The following SNX13 variants were observed in gnomAD, a reference collection of about 807,000 sequenced individuals.
The protein encoded by SNX13 is sorting nexin 13, also known as sorting nexin-13.
In SNX13, 45 loss-of-function variants were observed where a neutral mutation model predicts 133.6. The ratio of observed to expected loss-of-function variants is 0.34; its 90% CI spans 0.27 to 0.43. The LOEUF (loss-of-function observed/expected upper bound fraction) is 0.43. Ranked by LOEUF, SNX13 falls within the 20% of genes least tolerant of loss-of-function variation. The probability of loss-of-function intolerance (pLI) is 1.00; values close to 1 mark genes in which losing one functional copy is unlikely to be tolerated. For synonymous variants in SNX13, 414 were observed against 373.9 expected (o/e 1.11, Z -1.24); for missense variants, 1,032 against 1,145.1 (o/e 0.90, Z 1.43).
intron 5 of SNX13, chr7:17,880,519 C>T (rs148306320): frequency 7.9e-5 from 12 of 152,324 alleles, no homozygotes; most frequent in African/African-American, 2.4e-4. Flanking sequence ...TCAGGTCACA[C>T]TACAGACTAA....
At chr7:17,927,880 C>T (rs1800935536) in intron 1 of SNX13, among the ~76,000 whole-genome samples, 1 of 152,176 alleles carries the variant, frequency 6.6e-6, no homozygotes, top group South Asian at 2.1e-4. Context: ...TTTCCACTCA[C>T]AAAGTGTTCC....
intron 5 of SNX13, among the ~76,000 whole-genome samples, chr7:17,877,822 A>G (rs535572033): frequency 6.6e-6 from 1 of 152,002 alleles, no homozygotes; most frequent in African/African-American, 2.4e-5. Context: ...AACAGTACCG[A>G]TATCTTATCT....
chr7:17,821,161 A>C (rs1787237027), intron 18 of SNX13, among the ~76,000 whole-genome samples: 1 of 152,168 alleles, frequency 6.6e-6, no homozygotes, highest in African/African-American at 2.4e-5. Context: ...CAAAAGCACA[A>C]AATGTCCTAC....
chr7:17,799,081 T>C lies in SNX13; in HGVS notation c.2372A>G (p.Gln791Arg). 1 of 1,611,116 alleles carries C rather than the reference T, an allele frequency of 6.2e-7. No individual in the cohort carries two copies. The highest frequency in any genetic ancestry group is 2.2e-5 in the East Asian group (1 of 44,762). The change falls in exon 23 of 26, where the codon CAG (glutamine) becomes CGG (arginine). Residue 791 changes from glutamine to arginine, a missense_variant. Physicochemically the swap from Gln to Arg is conservative, Grantham distance 43. Transcript: ENST00000428135. ...DEVFDLKERNQWLRRNIKNLL... is the reference protein window; with the variant it reads ...DEVFDLKERNRWLRRNIKNLL... ...GTTTTTGATATTCCTTCGCAACCAC[T>C]GATTTCTTTCTTTTAAGTCGAATAC...
chr7:17,816,244 A>C lies in SNX13; in HGVS notation c.1891T>G (p.Phe631Val). The stretch of plus-strand genomic sequence containing the variant: ...AAAAAATCTCTATCCATATTATTAA[A>C]AGTCTTTTTTCCAGGAAGTTTCAAT... ...SILKLPGKKT[F>V]NNMDRDFLEK... The change falls in exon 19 of 26, where the codon TTT becomes GTT. Residue 631 changes from phenylalanine (F) to valine (V), a missense_variant. Coordinates refer to ENST00000428135, the MANE Select transcript of SNX13 (RefSeq NM_015132.5). 6.5e-7 allele frequency: 1 copy of C among 1,543,896 alleles called. No homozygotes were observed. The highest frequency in any genetic ancestry group is 8.8e-7 in the Non-Finnish European group (1 of 1,142,716).
chr7:17,800,831 G>C (rs1201928767), intron 22 of SNX13, among the ~76,000 whole-genome samples: 1 of 151,192 alleles, frequency 6.6e-6, no homozygotes, highest in African/African-American at 2.4e-5. Flanking sequence ...CATTTCAACA[G>C]TTATCACAGA....
chr7:17,882,785 A>C (rs778807391), intron 5 of SNX13: 8 of 1,227,108 alleles, frequency 6.5e-6, no homozygotes, highest in Non-Finnish European at 8.4e-6. Flanking sequence ...AATCACTACC[A>C]CAATTCCCTG....
At chr7:17,851,435 C>CA (rs1236590516) in intron 9 of SNX13, among the ~76,000 whole-genome samples, 1 of 151,870 alleles carries the variant, frequency 6.6e-6, no homozygotes, top group African/African-American at 2.4e-5. Flanking sequence ...AAGGCAGAGC[C>CA]AAAATCAGAA....
chr7:17,919,371 A>C (rs983478530), intron 1 of SNX13, among the ~76,000 whole-genome samples: 2 of 152,210 alleles, frequency 1.3e-5, no homozygotes, highest in Non-Finnish European at 2.9e-5. Flanking sequence ...AGTCAAATAA[A>C]AGCCAAAATT....
intron 1 of SNX13, among the ~76,000 whole-genome samples, chr7:17,937,790 T>G (rs935590915): frequency 2.0e-5 from 3 of 152,218 alleles, no homozygotes; most frequent in Admixed American, 2.0e-4. Flanking sequence ...AGTAAGCTCT[T>G]TCAACTTTCT....
At chr7:17,811,076 C>T (rs1343966383) in intron 20 of SNX13, among the ~76,000 whole-genome samples, 1 of 152,140 alleles carries the variant, frequency 6.6e-6, no homozygotes, top group East Asian at 1.9e-4. Context: ...TGGAAGCATT[C>T]CCTTTAAAAA....
chr7:17,847,924 T>C (rs1790741106), intron 11 of SNX13, among the ~76,000 whole-genome samples: 1 of 152,142 alleles, frequency 6.6e-6, no homozygotes, highest in Admixed American at 6.6e-5. Context: ...TTCTGAGATA[T>C]TATTAGGGAC....
At chr7:17,801,535 G>C in intron 22 of SNX13, 53 bp downstream of exon 22, 1 of 1,384,580 alleles carries the variant, frequency 7.2e-7, no homozygotes, top group Non-Finnish European at 1.0e-6. Context: ...AAGTTAAAAA[G>C]ATATGCCAAG....
chr7:17,935,734 C>G (rs919036691), intron 1 of SNX13, among the ~76,000 whole-genome samples: 1 of 152,136 alleles, frequency 6.6e-6, no homozygotes, highest in African/African-American at 2.4e-5. Flanking sequence ...ATTTTAGATA[C>G]TGATGTCCTT....
rs376890918 is a variant in SNX13 at position 17,930,273 on chromosome 7, G to A, written c.12+10011C>T. Among the ~76,000 whole-genome samples, 6 of 152,120 alleles carry A rather than the reference G, an allele frequency of 3.9e-5. No homozygotes were observed. In the East Asian group the frequency reaches 9.6e-4, roughly 24 times the overall value. On this transcript the variant is annotated intron_variant, in intron 1 of 25. Coordinates refer to ENST00000428135, the MANE Select transcript of SNX13 (RefSeq NM_015132.5). The stretch of plus-strand genomic sequence containing the variant: ...TATAAGAAAACTGAGGCTCTGAAAC[G>A]TTAGCAACCTTTCCAAGGTCAAAAT...
chr7:17,883,709 C>T (rs757350660), intron 5 of SNX13, among the ~76,000 whole-genome samples: 42 of 152,106 alleles, frequency 2.8e-4, no homozygotes, highest in Non-Finnish European at 1.3e-4. Flanking sequence ...TATCCCTCCC[C>T]TTGCCCCTCA....
chr7:17,861,319 C>T (rs547765512), intron 9 of SNX13, among the ~76,000 whole-genome samples: 103 of 149,812 alleles, frequency 6.9e-4, no homozygotes, highest in African/African-American at 2.4e-3. Context: ...ATCACACATA[C>T]AGTTATCACA....
chr7:17,937,024 A>AT (rs989960920), intron 1 of SNX13, among the ~76,000 whole-genome samples: 80 of 150,760 alleles, frequency 5.3e-4, no homozygotes, highest in East Asian at 1.5e-3. Flanking sequence ...ATAAAATAAA[A>AT]AAAAAAAAAC....
chr7:17,876,516 G>A (rs534742341), intron 5 of SNX13, among the ~76,000 whole-genome samples: 1 of 147,782 alleles, frequency 6.8e-6, no homozygotes, highest in East Asian at 2.0e-4. Context: ...GGAGGTCAAC[G>A]CTGCAGTGAG....
Sources: gnomAD v4.1 joint callset for allele counts (sites outside exome capture counted in the v4.1 genomes callset) on GRCh38, gnomAD v4.1.1 for gene constraint, MANE v1.5 for transcripts, NCBI Gene and HGNC (gene_info 2026-07-23, HGNC 2026-07-21) for gene names.